Variants in DMXL1 observed in about 807,000 individuals in gnomAD.
The protein encoded by DMXL1 is dmX-like protein 1.
DMXL1 carries 99 observed loss-of-function variants against 319.2 expected under a neutral mutation model. That is an observed-to-expected ratio of 0.31 (90% CI 0.26 to 0.37). The LOEUF is 0.37. DMXL1 is among the 10% of genes least tolerant of loss of function. The probability of loss-of-function intolerance (pLI) is 1.00; values close to 1 mark genes in which losing one functional copy is unlikely to be tolerated. For synonymous variants in DMXL1, 1,385 were observed against 1,235.2 expected, an observed-to-expected ratio of 1.12 and a Z score of -2.54; for missense variants, 3,745 against 3,595.6, an observed-to-expected ratio of 1.04 and a Z score of -1.06.
chr5:119,138,006 T>G (rs573427008), intron 13 of DMXL1, among the ~76,000 whole-genome samples: 1 of 152,270 alleles, frequency 6.6e-6, no homozygotes, highest in South Asian at 2.1e-4. Flanking sequence ...ACATGGAAAC[T>G]ATAGAAGAGG....
intron 1 of DMXL1, among the ~76,000 whole-genome samples, chr5:119,075,942 A>G (rs1750744373): frequency 6.6e-6 from 1 of 152,222 alleles, no homozygotes; most frequent in South Asian, 2.1e-4. Context: ...GTTAATTAGA[A>G]TCTACATTTA....
In DMXL1 at chr5:119,121,110, A is replaced by G. The variant is rs960938188; in HGVS notation, c.1073A>G (p.His358Arg). 1 of 1,608,662 alleles carries G rather than the reference A, an allele frequency of 6.2e-7. No homozygotes were observed. The highest frequency in any genetic ancestry group is 8.5e-7 in the Non-Finnish European group (1 of 1,178,546). Residue 358 changes from histidine (H) to arginine (R), a missense_variant, in exon 9 of 44, where the codon CAT becomes CGT. His to Arg is a conservative substitution (Grantham distance 29, BLOSUM62 0). Around this residue, in one of 4 missense-constraint regions of DMXL1, gnomAD observed 2,096 missense variants for 1,985.4 expected, o/e 1.06. Transcript: ENST00000539542. ...CATGCCAATGCACTTTGCCACTTTC[A>G]TATTGCAGCCAGCATCAACCCAGCC... The part of the protein sequence containing the change: ...PLHANALCHF[H>R]IAASINPATD...
At chr5:119,113,536 C>T (rs1760145399) in intron 5 of DMXL1, among the ~76,000 whole-genome samples, 1 of 152,230 alleles carries the variant, frequency 6.6e-6, no homozygotes, top group Admixed American at 6.5e-5. Flanking sequence ...CCACTGTGCC[C>T]AGCCCATGAC....
chr5:119,176,922 G>A (rs529820783), intron 26 of DMXL1, among the ~76,000 whole-genome samples: 1 of 152,142 alleles, frequency 6.6e-6, no homozygotes, highest in Admixed American at 6.5e-5. Context: ...AACATTATTT[G>A]TGTTTTGTTC....
Position 119,133,129 on chromosome 5 carries a change from T to C in DMXL1, c.1316-3T>C, listed in dbSNP as rs202245018. ...CTTGGTTCATGAACTCTTTTGCTTA[T>C]AGAAACTGATGATGGTGTTGATGAT... is the stretch of plus-strand genomic sequence containing the variant. On this transcript the variant is annotated splice_polypyrimidine_tract_variant and splice_region_variant and intron_variant, in intron 10 of 43. Coordinates refer to ENST00000539542, the MANE Select transcript of DMXL1 (RefSeq NM_001290321.3). 271 of 1,613,758 alleles carry C rather than the reference T, an allele frequency of 1.7e-4. No individual in the cohort carries two copies. The African/African-American group carries it at 3.2e-3, about 19-fold the overall frequency.
intron 38 of DMXL1, among the ~76,000 whole-genome samples, chr5:119,230,057 G>T (rs963534487): frequency 3.3e-5 from 5 of 152,096 alleles, no homozygotes; most frequent in African/African-American, 1.2e-4. Flanking sequence ...AATACTAAGG[G>T]TATAAGTTGT....
Position 119,230,459 on chromosome 5 carries a change from G to A in DMXL1, c.8339-2881G>A, listed in dbSNP as rs1357150510. Among the ~76,000 whole-genome samples the A allele has an allele frequency of 2.6e-5, 4 of 152,282 alleles. No homozygotes were observed. The East Asian group carries it at 5.8e-4, about 22-fold the overall frequency. The stretch of plus-strand genomic sequence containing the variant: ...ATTTTGACAATACCATCTGGTGATA[G>A]AAAAATATTACATATATTTAACATA... On this transcript the variant is annotated intron_variant, in intron 38 of 43. Coordinates refer to ENST00000539542, the MANE Select transcript of DMXL1 (RefSeq NM_001290321.3).
chr5:119,243,710 CTAAT>C (rs1408643665), intron 42 of DMXL1, among the ~76,000 whole-genome samples: 1 of 152,088 alleles, frequency 6.6e-6, no homozygotes, highest in East Asian at 1.9e-4. Flanking sequence ...TTTCATGCCT[CTAAT>C]TAACTTAAAA....
intron 1 of DMXL1, among the ~76,000 whole-genome samples, chr5:119,075,298 G>A (rs1466540660): frequency 8.2e-5 from 12 of 146,974 alleles, no homozygotes; most frequent in African/African-American, 2.5e-4. Flanking sequence ...AGAGTGCAGT[G>A]GTGTGATCTC....
chr5:119,156,458 G>A (rs1169959850), intron 19 of DMXL1, among the ~76,000 whole-genome samples: 1 of 152,080 alleles, frequency 6.6e-6, no homozygotes, highest in Non-Finnish European at 1.5e-5. Context: ...TATCTCCAAG[G>A]TCTGCCTATA....
intron 7 of DMXL1, among the ~76,000 whole-genome samples, chr5:119,118,256 AC>A (rs1761273169): frequency 6.6e-6 from 1 of 152,236 alleles, no homozygotes; most frequent in African/African-American, 2.4e-5. Flanking sequence ...GAATAAGTGT[AC>A]TCAGTAGTTA....
At position 119,221,034 on chromosome 5, in the gene DMXL1, A is replaced by G. The variant is rs1445196523; in HGVS notation, c.8230A>G (p.Asn2744Asp). 16 of 1,613,760 alleles carry G rather than the reference A, an allele frequency of 9.9e-6. No individual in the cohort carries two copies. Among genetic ancestry groups the G allele is most frequent in the Middle Eastern group, 1.6e-4 (1 of 6,080 alleles). Reference protein sequence around the residue: ...YTHSNPGTPINMPWLGSTQTG... With the variant: ...YTHSNPGTPIDMPWLGSTQTG... Reference sequence around the variant, plus strand: ...ACATAGCAATCCTGGCACTCCAATCAACATGCCATGGCTTGGTAGTACACA... The same window carrying G: ...ACATAGCAATCCTGGCACTCCAATCGACATGCCATGGCTTGGTAGTACACA... The change falls in exon 37 of 44, where the codon AAC becomes GAC. Residue 2744 changes from asparagine to aspartate, a missense_variant. By Grantham distance (23) the Asn-to-Asp change is conservative. This residue lies in a region of DMXL1 where 1,382 missense variants were observed against 1,269.5 expected (regional missense o/e 1.09). Transcript: ENST00000539542.
chr5:119,120,698 A>G (rs765550787), intron 8 of DMXL1, among the ~76,000 whole-genome samples: 1 of 151,736 alleles, frequency 6.6e-6, no homozygotes, highest in Non-Finnish European at 1.5e-5. Flanking sequence ...ACATTTTAAG[A>G]AAATAAGCCT....
chr5:119,167,064 C>A (rs761868558), intron 22 of DMXL1, among the ~76,000 whole-genome samples: 8 of 152,166 alleles, frequency 5.3e-5, no homozygotes, highest in African/African-American at 1.7e-4. Context: ...GTTTGTCCTA[C>A]CAGTTTAAAC....
chr5:119,212,209 C>T (rs1782922024), intron 34 of DMXL1, among the ~76,000 whole-genome samples: 1 of 152,196 alleles, frequency 6.6e-6, no homozygotes, highest in South Asian at 2.1e-4. Flanking sequence ...CAACAGCTCC[C>T]CATTCCTCTG....
At chr5:119,094,061 C>T (rs527803052) in intron 1 of DMXL1, among the ~76,000 whole-genome samples, 28 of 152,298 alleles carry the variant, frequency 1.8e-4, no homozygotes, top group African/African-American at 6.0e-4. Flanking sequence ...GTAGAAGCTT[C>T]GGCATGTTAT....
chr5:119,232,360 A>G (rs1292414670), intron 38 of DMXL1, among the ~76,000 whole-genome samples: 1 of 152,210 alleles, frequency 6.6e-6, no homozygotes, highest in East Asian at 1.9e-4. Context: ...AATATTTGAT[A>G]AGGAATGAGG....
chr5:119,196,748 A>T (rs1779713376), intron 31 of DMXL1, among the ~76,000 whole-genome samples: 1 of 152,140 alleles, frequency 6.6e-6, no homozygotes, highest in Non-Finnish European at 1.5e-5. Context: ...CAATGGAGAG[A>T]AAACTAAGCA....
chr5:119,147,448 A>G lies in DMXL1; in HGVS notation c.2889A>G (p.Ile963Met). The change falls in exon 17 of 44, where the codon ATA (isoleucine) becomes ATG (methionine). Residue 963 changes from isoleucine (I) to methionine (M), a missense_variant. Around this residue, in one of 4 missense-constraint regions of DMXL1, gnomAD observed 2,096 missense variants for 1,985.4 expected, o/e 1.06. Coordinates refer to ENST00000539542, the MANE Select transcript of DMXL1 (RefSeq NM_001290321.3). ...TGCATTTACCAGAAGGAGTTGAGAT[A>G]ATAAGTATTAAGCCATCAGCAGGTT... ...QELHLPEGVE[I>M]ISIKPSAGHL... 3 of 1,613,280 alleles carry G rather than the reference A, an allele frequency of 1.9e-6. No individual in the cohort carries two copies. Among genetic ancestry groups the G allele is most frequent in the East Asian group, 4.5e-5 (2 of 44,852 alleles).
Sources: allele counts gnomAD v4.1 joint callset (sites outside exome capture counted in the v4.1 genomes callset), GRCh38; gene constraint gnomAD v4.1.1; regional missense constraint gnomAD v4.1.1; transcripts MANE v1.5; gene names NCBI Gene and HGNC (gene_info 2026-07-23, HGNC 2026-07-21).